Variants in PLPPR1 observed in about 807,000 individuals in gnomAD.
PLPPR1 encodes phospholipid phosphatase-related protein type 1.
A neutral mutation model predicts 33.1 loss-of-function variants in PLPPR1; 10 were observed. The ratio of observed to expected loss-of-function variants is 0.30; its 90% CI spans 0.19 to 0.51. The LOEUF (loss-of-function observed/expected upper bound fraction) is 0.51, where lower values mean the gene tolerates loss of function less well. Ranked by LOEUF, PLPPR1 falls within the 20% of genes least tolerant of loss-of-function variation. PLPPR1 has a pLI of 0.97. For synonymous variants in PLPPR1, 151 were observed against 151.0 expected, an observed-to-expected ratio of 1.00 and a Z score of 0.00; for missense variants, 304 against 408.1, an observed-to-expected ratio of 0.74 and a Z score of 2.20.
intron 1 of PLPPR1, among the ~76,000 whole-genome samples, chr9:101,178,047 A>G (rs1826043115): frequency 1.3e-5 from 2 of 152,208 alleles, no homozygotes; most frequent in African/African-American, 4.8e-5. Flanking sequence ...GTGGCCAAAC[A>G]CTGTGAAGTT....
At chr9:101,220,550 C>T (rs1826910127) in intron 2 of PLPPR1, among the ~76,000 whole-genome samples, 1 of 152,210 alleles carries the variant, frequency 6.6e-6, no homozygotes, top group African/African-American at 2.4e-5. Context: ...TCCTCTCACA[C>T]TCCTCCCACC....
chr9:101,083,028 G>T (rs1830639013), intron 1 of PLPPR1, among the ~76,000 whole-genome samples: 1 of 152,134 alleles, frequency 6.6e-6, no homozygotes, highest in Non-Finnish European at 1.5e-5. Context: ...TAAGTGGCAT[G>T]GGAGTAAGCT....
intron 1 of PLPPR1, among the ~76,000 whole-genome samples, chr9:101,126,963 C>T (rs1286017065): frequency 6.6e-6 from 1 of 152,138 alleles, no homozygotes; most frequent in East Asian, 1.9e-4. Context: ...CCAATTCTCT[C>T]CCATTTATCC....
In PLPPR1 at chr9:101,237,204, C is replaced by T. The variant is rs187999595; in HGVS notation, c.64-32676C>T. Among the ~76,000 whole-genome samples, 189 of 151,858 alleles carry T rather than the reference C, an allele frequency of 1.2e-3. 1 individual carries two copies. The highest frequency in any genetic ancestry group is 4.4e-3 in the African/African-American group (183 of 41,472). On this transcript the variant is annotated intron_variant, in intron 2 of 7. Transcript: ENST00000374874. ...GCTAGGATGTGGAGAAAAGAGAACA[C>T]TTATACACTGTTGGTGGGAATGTAA...
At chr9:101,091,384 A>G (rs538210899) in intron 1 of PLPPR1, among the ~76,000 whole-genome samples, 4 of 152,168 alleles carry the variant, frequency 2.6e-5, no homozygotes, top group Admixed American at 6.5e-5. Context: ...CACTGAGCCA[A>G]AGTCAAGATG....
intron 2 of PLPPR1, among the ~76,000 whole-genome samples, chr9:101,191,462 C>T (rs1184459615): frequency 6.6e-6 from 1 of 152,126 alleles, no homozygotes; most frequent in Non-Finnish European, 1.5e-5. Flanking sequence ...ACTTCTGTTA[C>T]TCTTTCTCTC....
chr9:101,102,172 T>G (rs867021484), intron 1 of PLPPR1, among the ~76,000 whole-genome samples: 22 of 136,196 alleles, frequency 1.6e-4, no homozygotes, highest in African/African-American at 6.1e-4. Flanking sequence ...TACTTTAAGT[T>G]TTAGGGTACA....
chr9:101,269,681 G>A, intron 2 of PLPPR1, 199 bp from the exon 3 acceptor site: 2 of 603,518 alleles, frequency 3.3e-6, no homozygotes, highest in African/African-American at 1.8e-5. Flanking sequence ...ATTATTTGCT[G>A]GAAGGTTTAT....
chr9:101,229,612 A>G (rs1301791918), intron 2 of PLPPR1, among the ~76,000 whole-genome samples: 2 of 152,160 alleles, frequency 1.3e-5, no homozygotes, highest in Admixed American at 6.6e-5. Flanking sequence ...AAAAAAGGGC[A>G]TTTAAAATAC....
intron 1 of PLPPR1, among the ~76,000 whole-genome samples, chr9:101,180,357 T>G (rs1826088685): frequency 6.6e-6 from 1 of 150,412 alleles, no homozygotes; most frequent in South Asian, 2.1e-4. Context: ...CTACCAAAAT[T>G]CCAATGTAAT....
rs397937393 is a variant in PLPPR1 at position 101,102,093 on chromosome 9, CTTTT to C, written c.-46+73009_-46+73012del. Among the ~76,000 whole-genome samples the C allele has an allele frequency of 3.4e-3, 242 of 71,866 alleles. 2 individuals are homozygous for C. Among genetic ancestry groups the C allele is most frequent in the East Asian group, 5.1e-3 (11 of 2,136 alleles). 47.1% of individuals were successfully genotyped at this position (71,866 alleles called of 152,430 possible). On this transcript the variant is annotated intron_variant, in intron 1 of 7. Transcript: ENST00000374874. The stretch of plus-strand genomic sequence containing the variant: ...GTAAACTCCTTGAAGGTAGGAACAA[CTTTT>C]TTTTTTTTTTTTTTTTTGTGGTTCC...
intron 2 of PLPPR1, among the ~76,000 whole-genome samples, chr9:101,252,983 ATTC>A (rs973833322): frequency 5.9e-5 from 9 of 152,250 alleles, no homozygotes; most frequent in Admixed American, 5.2e-4. Flanking sequence ...TGAGAAAATA[ATTC>A]TTATTATAAC....
At chr9:101,257,297 A>G (rs1827819407) in intron 2 of PLPPR1, among the ~76,000 whole-genome samples, 1 of 152,178 alleles carries the variant, frequency 6.6e-6, no homozygotes, top group East Asian at 1.9e-4. Flanking sequence ...CACTCAGAAC[A>G]CATTTATATG....
In PLPPR1 at chr9:101,078,115, A is replaced by G. The variant is rs1430579383; in HGVS notation, c.-46+49013A>G. Among the ~76,000 whole-genome samples the G allele has an allele frequency of 4.8e-3, 24 of 5,016 alleles. 1 individual carries two copies. Among genetic ancestry groups the G allele is most frequent in the African/African-American group, 0.018 (22 of 1,236 alleles). The allele number at this position is 5,016 out of a possible 152,430, so 3.3% of individuals were successfully genotyped here. Reference sequence around the variant, plus strand: ...GAGAAGGAGAAGGAGAAGAAGAAGAAGAAGAAGAAGAAGAAGAAGAAGAAG... The same window carrying G: ...GAGAAGGAGAAGGAGAAGAAGAAGAGGAAGAAGAAGAAGAAGAAGAAGAAG... On this transcript the variant is annotated intron_variant, in intron 1 of 7. Transcript: ENST00000374874.
chr9:101,212,077 G>C (rs1266911891), intron 2 of PLPPR1, among the ~76,000 whole-genome samples: 1 of 151,796 alleles, frequency 6.6e-6, no homozygotes, highest in Non-Finnish European at 1.5e-5. Context: ...CCAAATCTTG[G>C]CTATTGTTTG....
intron 2 of PLPPR1, among the ~76,000 whole-genome samples, chr9:101,236,554 A>C (rs1201517182): frequency 1.3e-5 from 2 of 151,426 alleles, no homozygotes; most frequent in Non-Finnish European, 3.0e-5. Flanking sequence ...ACACACACAC[A>C]CACACATTTT....
intron 5 of PLPPR1, among the ~76,000 whole-genome samples, chr9:101,312,294 G>A (rs1456961547): frequency 4.6e-5 from 7 of 151,836 alleles, no homozygotes; most frequent in Admixed American, 4.6e-4. Context: ...CACTTTGTTG[G>A]TATTAATCAC....
At chr9:101,176,200 A>G (rs1285203992) in intron 1 of PLPPR1, among the ~76,000 whole-genome samples, 1 of 152,168 alleles carries the variant, frequency 6.6e-6, no homozygotes, top group Non-Finnish European at 1.5e-5. Context: ...CACCACAGAA[A>G]AAACTGAGGC....
intron 4 of PLPPR1, among the ~76,000 whole-genome samples, chr9:101,305,227 G>C (rs749678117): frequency 6.6e-6 from 1 of 152,108 alleles, no homozygotes; most frequent in Non-Finnish European, 1.5e-5. Context: ...GTGCGTGCAT[G>C]TGTGCATGCG....
Sources: gnomAD v4.1 joint callset for allele counts (sites outside exome capture counted in the v4.1 genomes callset) on GRCh38, gnomAD v4.1.1 for gene constraint, MANE v1.5 for transcripts, NCBI Gene and HGNC (gene_info 2026-07-23, HGNC 2026-07-21) for gene names.